WDR11: variants seen among roughly 807,000 people sequenced by gnomAD.
WDR11 encodes WD repeat domain 11, also known as WD repeat-containing protein 11.
In WDR11, 83 loss-of-function variants were observed where a neutral mutation model predicts 151.2. The observed-to-expected ratio is 0.55, with a 90% CI of 0.46 to 0.66. WDR11 has a LOEUF of 0.66. Among genes scored for constraint, WDR11 ranks in the 30% least tolerant of loss-of-function variants. The probability of loss-of-function intolerance (pLI) is 0.00; values close to 1 mark genes in which losing one functional copy is unlikely to be tolerated. For synonymous variants in WDR11, 484 were observed against 533.1 expected, an observed-to-expected ratio of 0.91 and a Z score of 1.27; for missense variants, 1,301 against 1,480.9, an observed-to-expected ratio of 0.88 and a Z score of 1.99.
At chr10:120,904,495 A>C in intron 24 of WDR11, 151 bp from the exon 25 acceptor site, 1 of 942,280 alleles carries the variant, frequency 1.1e-6, no homozygotes, top group East Asian at 2.6e-5. Context: ...GTAGTGTAGC[A>C]CCTCTGTTTA....
chr10:120,878,693 G>A (rs890009280), intron 12 of WDR11, among the ~76,000 whole-genome samples: 1 of 152,204 alleles, frequency 6.6e-6, no homozygotes, highest in Non-Finnish European at 1.5e-5. Context: ...TGAACAGACA[G>A]ATTCATTAAA....
At chr10:120,908,381 T>TC in intron 28 of WDR11, 175 bp from the exon 29 acceptor site, 2 of 671,294 alleles carry the variant, frequency 3.0e-6, no homozygotes, top group Non-Finnish European at 5.4e-6. Context: ...TGGCCGGGAA[T>TC]CACCCTCTGC....
chr10:120,890,820 G>C lies in WDR11; in HGVS notation c.2448G>C (p.Gly816=). 16 of 1,614,118 alleles carry C rather than the reference G, an allele frequency of 9.9e-6. No individual in the cohort carries two copies. The highest frequency in any genetic ancestry group is 1.4e-5 in the Non-Finnish European group (16 of 1,180,006). The change falls in exon 19 of 29, where the codon GGG becomes GGC. Residue 816 remains glycine, a synonymous_variant. Coordinates refer to ENST00000263461, the MANE Select transcript of WDR11 (RefSeq NM_018117.12). ...AAGTGATCTTGGCCTCAGATGATGG[G>C]TGCATCAGAGTCCTAGAGATGTCTA... ...SDKVILASDD[G]CIRVLEMSMK...
intron 28 of WDR11, 85 bp from the exon 29 acceptor site, chr10:120,908,471 G>A (rs2133823096): frequency 8.3e-6 from 12 of 1,445,612 alleles, no homozygotes; most frequent in East Asian, 4.5e-5. Flanking sequence ...CAGAGCAGAC[G>A]CGACTCACCC....
In WDR11 at chr10:120,865,738, G is replaced by A; in HGVS notation, c.988G>A (p.Glu330Lys). 1.3e-6 allele frequency: 2 copies of A among 1,589,092 alleles called. No individual in the cohort carries two copies. Among genetic ancestry groups the A allele is most frequent in the Middle Eastern group, 2.2e-4 (1 of 4,614 alleles). ...YNNIFTTSNE[E>K]PDPDPVQELT... ...TAACATTTTTACCACTTCAAATGAG[G>A]AACCAGGTGAGTTTCTGTCTCACAA... Residue 330 changes from glutamate (E) to lysine (K), a missense_variant, in exon 7 of 29, where the codon GAA (glutamate) becomes AAA (lysine). Glu to Lys is a moderately conservative substitution (Grantham distance 56). Around this residue, in one of 3 missense-constraint regions of WDR11, gnomAD observed 692 missense variants for 762.5 expected, o/e 0.91. Transcript: ENST00000263461.
At position 120,909,070 on chromosome 10, in the gene WDR11, A is replaced by C. The variant is rs1376314739; in HGVS notation, c.*357A>C. ...GATTAAATGTAAAGATTATTGAGAA[A>C]CCTATAGTAAATGAAATTTGTGAGA... On this transcript the variant is annotated 3_prime_UTR_variant, in exon 29 of 29. Coordinates refer to ENST00000263461, the MANE Select transcript of WDR11 (RefSeq NM_018117.12). 2 of 283,324 alleles carry C rather than the reference A, an allele frequency of 7.1e-6. No homozygotes were observed. The highest frequency in any genetic ancestry group is 6.8e-6 in the Non-Finnish European group (1 of 147,086). The allele number at this position is 283,324 out of a possible 1,614,324, so 17.6% of individuals were successfully genotyped here.
chr10:120,870,899 T>C (rs1443112745), intron 9 of WDR11, among the ~76,000 whole-genome samples: 1 of 152,158 alleles, frequency 6.6e-6, no homozygotes, highest in Non-Finnish European at 1.5e-5. Flanking sequence ...GAACATTGAC[T>C]GAAACAGTGT....
intron 13 of WDR11, 148 bp from the exon 14 acceptor site, chr10:120,883,632 G>C: frequency 1.5e-6 from 1 of 675,574 alleles, no homozygotes; most frequent in Non-Finnish European, 2.6e-6. Flanking sequence ...TCTTATGACT[G>C]TTAATCATGG....
intron 19 of WDR11, among the ~76,000 whole-genome samples, chr10:120,893,946 T>C (rs990066405): frequency 2.6e-5 from 4 of 152,174 alleles, no homozygotes; most frequent in African/African-American, 9.7e-5. Context: ...TTGCAAAATT[T>C]TTCTCCCATT....
chr10:120,869,800 A>ATTTTAT (rs1554933455), intron 9 of WDR11, among the ~76,000 whole-genome samples: 5 of 151,280 alleles, frequency 3.3e-5, no homozygotes, highest in East Asian at 3.9e-4. Context: ...ATTTTATTTT[A>ATTTTAT]TTTTTTTTGA....
chr10:120,873,191 T>C (rs1378371237), intron 10 of WDR11, among the ~76,000 whole-genome samples: 1 of 152,198 alleles, frequency 6.6e-6, no homozygotes, highest in East Asian at 1.9e-4. Context: ...ATTACTGTGC[T>C]TAGTGCTTTA....
intron 16 of WDR11, among the ~76,000 whole-genome samples, 154 bp downstream of exon 16, chr10:120,886,990 G>A (rs1282466427): frequency 6.6e-6 from 1 of 152,202 alleles, no homozygotes; most frequent in East Asian, 1.9e-4. Context: ...GTTCCATACT[G>A]CTAGAGAATA....
At chr10:120,878,726 T>G (rs776116256) in intron 12 of WDR11, among the ~76,000 whole-genome samples, 13 of 152,180 alleles carry the variant, frequency 8.5e-5, no homozygotes, top group Admixed American at 2.0e-4. Flanking sequence ...GGTTCTACTT[T>G]TAAGTGCATT....
In WDR11 at chr10:120,858,633, C is replaced by T. The variant is rs368501358; in HGVS notation, c.199-10C>T. 4.8e-5 allele frequency: 78 copies of T among 1,614,004 alleles called. No homozygotes were observed. The highest frequency in any genetic ancestry group is 6.5e-5 in the Non-Finnish European group (77 of 1,180,012). ...AAGTATTTACTTGATCTGATTTCTT[C>T]TTGATACAGGTTAAATGGGCCAGGG... On this transcript the variant is annotated splice_polypyrimidine_tract_variant and intron_variant, in intron 2 of 28. Transcript: ENST00000263461.
At chr10:120,887,519 T>A (rs1847263172) in intron 16 of WDR11, among the ~76,000 whole-genome samples, 1 of 152,208 alleles carries the variant, frequency 6.6e-6, no homozygotes, top group East Asian at 1.9e-4. Flanking sequence ...AATGGAATGC[T>A]CTAGTAGAAT....
chr10:120,872,117 A>C (rs1846567579), intron 10 of WDR11, among the ~76,000 whole-genome samples: 1 of 152,166 alleles, frequency 6.6e-6, no homozygotes, highest in African/African-American at 2.4e-5. Context: ...TTTGTGGTGA[A>C]AACCTCACCA....
In WDR11 at chr10:120,904,073, G is replaced by A. The variant is rs1652727; in HGVS notation, c.2958G>A (p.Leu986=). The A allele has an allele frequency of 0.66, 1,062,267 of 1,610,144 alleles. 353,661 individuals are homozygous for A. The highest frequency in any genetic ancestry group is 0.86 in the African/African-American group (64,440 of 74,920). The stretch of plus-strand genomic sequence containing the variant: ...AATTTCAGCTAGAAAGGGTTAATCT[G>A]CAGGAAGTGAAACGGTCAACTTATG... The part of the protein sequence containing the change: ...FQKFQLERVN[L]QEVKRSTYDH... Residue 986 remains leucine (L), a synonymous_variant, in exon 24 of 29, where the codon CTG becomes CTA. Transcript: ENST00000263461.
At chr10:120,883,652 G>T (rs1847108405) in intron 13 of WDR11, 128 bp from the exon 14 acceptor site, 7 of 733,168 alleles carry the variant, frequency 9.5e-6, no homozygotes, top group Non-Finnish European at 1.4e-5. Flanking sequence ...GTGCTAAATG[G>T]TAGTTTAAAT....
rs528987962 is a variant in WDR11, at chr10:120,890,205, T to C, written c.2343+196T>C. ...AACTCAAGATTTATTTATTTATTTA[T>C]TTATTTATTTTTATTTTTTATTTTG... is the stretch of plus-strand genomic sequence containing the variant. On this transcript the variant is annotated intron_variant, in intron 18 of 28. Coordinates refer to ENST00000263461, the MANE Select transcript of WDR11 (RefSeq NM_018117.12). Among the ~76,000 whole-genome samples the C allele has an allele frequency of 4.6e-5, 7 of 152,072 alleles. No individual in the cohort carries two copies. In the South Asian group the frequency reaches 1.4e-3, roughly 31 times the overall value.
Sources: allele counts gnomAD v4.1 joint callset (sites outside exome capture counted in the v4.1 genomes callset), GRCh38; gene constraint gnomAD v4.1.1; regional missense constraint gnomAD v4.1.1; transcripts MANE v1.5; gene names NCBI Gene and HGNC (gene_info 2026-07-23, HGNC 2026-07-21).